The following ADGRB3 variants were observed in gnomAD, a reference collection of about 807,000 sequenced individuals.
ADGRB3 encodes the protein brain-specific angiogenesis inhibitor 3.
ADGRB3 carries 37 observed loss-of-function variants against 193.4 expected under a neutral mutation model. The ratio of observed to expected loss-of-function variants is 0.19; its 90% CI spans 0.15 to 0.25. ADGRB3 has a LOEUF of 0.25. Among genes scored for constraint, ADGRB3 ranks in the 10% least tolerant of loss-of-function variants. The probability of loss-of-function intolerance (pLI) is 1.00; values close to 1 mark genes in which losing one functional copy is unlikely to be tolerated. For synonymous variants in ADGRB3, 690 were observed against 644.2 expected, an observed-to-expected ratio of 1.07 and a Z score of -1.08; for missense variants, 1,637 against 1,852.9, an observed-to-expected ratio of 0.88 and a Z score of 2.14.
intron 3 of ADGRB3, among the ~76,000 whole-genome samples, chr6:68,864,430 G>A (rs932460155): frequency 1.3e-5 from 2 of 152,118 alleles, no homozygotes; most frequent in East Asian, 3.9e-4. Flanking sequence ...GGAAAAGTGT[G>A]CCATTTTCAG....
In ADGRB3 at chr6:69,007,940, C is replaced by T. The variant is rs543152679; in HGVS notation, c.1930-6098C>T. ...GTGATAGCTGCTCTCTGCTTTCAAG[C>T]TGGTCCCTTGTTGCTGCATCCTCTA... is the stretch of plus-strand genomic sequence containing the variant. On this transcript the variant is annotated intron_variant, in intron 11 of 31. Coordinates refer to ENST00000370598, the MANE Select transcript of ADGRB3 (RefSeq NM_001704.3). 2.0e-5 allele frequency among the ~76,000 whole-genome samples: 3 copies of T among 152,230 alleles called. 1 individual carries two copies. In the South Asian group the frequency reaches 6.2e-4, roughly 32 times the overall value.
chr6:68,772,878 C>CAAAA (rs1178852808), intron 3 of ADGRB3, among the ~76,000 whole-genome samples: 3 of 15,710 alleles, frequency 1.9e-4, no homozygotes, highest in Admixed American at 8.7e-4. Flanking sequence ...AACAAACAAA[C>CAAAA]AAACAAAAAA....
intron 3 of ADGRB3, among the ~76,000 whole-genome samples, chr6:68,924,928 T>C (rs536742224): frequency 1.3e-5 from 2 of 151,808 alleles, no homozygotes; most frequent in African/African-American, 4.8e-5. Flanking sequence ...ATTAATTTAT[T>C]ATATAACTGT....
intron 3 of ADGRB3, among the ~76,000 whole-genome samples, chr6:68,909,280 G>A (rs1319173636): frequency 6.6e-6 from 1 of 152,046 alleles, no homozygotes; most frequent in African/African-American, 2.4e-5. Flanking sequence ...TTTCTATTAT[G>A]AACTTGAATT....
At chr6:68,677,496 ATTTTTTTCT>A (rs1261739965) in intron 3 of ADGRB3, among the ~76,000 whole-genome samples, 38 of 140,578 alleles carry the variant, frequency 2.7e-4, no homozygotes, top group African/African-American at 9.9e-4. Context: ...TATCATAGGA[ATTTTTTTCT>A]TTTTTTTCTT....
intron 3 of ADGRB3, among the ~76,000 whole-genome samples, chr6:68,751,883 A>G (rs925650689): frequency 2.6e-5 from 4 of 152,148 alleles, no homozygotes; most frequent in East Asian, 1.9e-4. Flanking sequence ...TAAGCCCTCC[A>G]TCTGTGTAAT....
intron 3 of ADGRB3, among the ~76,000 whole-genome samples, chr6:68,928,729 C>G (rs1397759398): frequency 6.6e-6 from 1 of 152,090 alleles, no homozygotes; most frequent in African/African-American, 2.4e-5. Context: ...TCTTTGCCTG[C>G]TCAGTGCCAA....
chr6:68,751,040 C>T (rs768616117), intron 3 of ADGRB3, among the ~76,000 whole-genome samples: 7 of 152,178 alleles, frequency 4.6e-5, no homozygotes, highest in Non-Finnish European at 8.8e-5. Flanking sequence ...TCTTCCAGGA[C>T]ACTTCTCCTC....
At chr6:68,671,106 G>A (rs1768945211) in intron 3 of ADGRB3, among the ~76,000 whole-genome samples, 3 of 151,888 alleles carry the variant, frequency 2.0e-5, no homozygotes, top group Admixed American at 6.6e-5. Context: ...GTATGTTGAT[G>A]TTGTATCCTG....
At chr6:69,225,169 T>C (rs1765982608) in intron 17 of ADGRB3, among the ~76,000 whole-genome samples, 1 of 152,196 alleles carries the variant, frequency 6.6e-6, no homozygotes, top group South Asian at 2.1e-4. Flanking sequence ...ATAAACTCTT[T>C]GATATCACAA....
At chr6:69,249,983 C>T (rs959178807) in intron 20 of ADGRB3, among the ~76,000 whole-genome samples, 10 of 152,106 alleles carry the variant, frequency 6.6e-5, no homozygotes, top group African/African-American at 2.4e-4. Context: ...ATTAAGACTT[C>T]AATTGTAATG....
intron 3 of ADGRB3, among the ~76,000 whole-genome samples, chr6:68,857,802 G>C (rs949269144): frequency 1.3e-5 from 2 of 152,100 alleles, no homozygotes; most frequent in African/African-American, 2.4e-5. Flanking sequence ...TATATGATCT[G>C]ACTCTGTGTC....
intron 3 of ADGRB3, among the ~76,000 whole-genome samples, chr6:68,899,959 G>A (rs1162111599): frequency 6.6e-6 from 1 of 152,000 alleles, no homozygotes; most frequent in African/African-American, 2.4e-5. Context: ...AAAGGCATGA[G>A]TAATATACCT....
At chr6:68,867,662 G>A (rs554909749) in intron 3 of ADGRB3, among the ~76,000 whole-genome samples, 43 of 152,314 alleles carry the variant, frequency 2.8e-4, no homozygotes, top group African/African-American at 8.9e-4. Flanking sequence ...GAAAGCAGCC[G>A]GGAGGGAGGC....
chr6:69,049,938 C>T (rs1368139546), intron 15 of ADGRB3, among the ~76,000 whole-genome samples: 1 of 152,130 alleles, frequency 6.6e-6, no homozygotes, highest in African/African-American at 2.4e-5. Flanking sequence ...AACTTATTTG[C>T]TTTACTGTCT....
chr6:68,944,075 T>C, intron 6 of ADGRB3, 81 bp downstream of exon 6: 1 of 1,406,714 alleles, frequency 7.1e-7, no homozygotes, highest in Non-Finnish European at 9.6e-7. Flanking sequence ...ATATTAAGAG[T>C]ACAACCTTCA....
intron 17 of ADGRB3, among the ~76,000 whole-genome samples, chr6:69,200,691 G>A (rs1042813668): frequency 6.6e-6 from 1 of 152,038 alleles, no homozygotes; most frequent in Non-Finnish European, 1.5e-5. Flanking sequence ...CATCTCCCTG[G>A]AGTCTCACAT....
intron 20 of ADGRB3, among the ~76,000 whole-genome samples, chr6:69,318,925 C>G (rs1768378195): frequency 6.6e-6 from 1 of 150,626 alleles, no homozygotes; most frequent in African/African-American, 2.4e-5. Flanking sequence ...TGCTTTTTCT[C>G]TCACCTTTAA....
intron 3 of ADGRB3, among the ~76,000 whole-genome samples, chr6:68,823,108 A>G (rs893125725): frequency 6.6e-6 from 1 of 152,032 alleles, no homozygotes; most frequent in African/African-American, 2.4e-5. Context: ...GTAGCCACTA[A>G]AAGATGCTTG....
Sources: gnomAD v4.1 joint callset for allele counts (sites outside exome capture counted in the v4.1 genomes callset) on GRCh38, gnomAD v4.1.1 for gene constraint, MANE v1.5 for transcripts, NCBI Gene and HGNC (gene_info 2026-07-23, HGNC 2026-07-21) for gene names.